The following LRP1 variants were observed in gnomAD, a reference collection of about 807,000 sequenced individuals.
LRP1 encodes LDL receptor related protein 1.
In LRP1, 51 loss-of-function variants were observed where a neutral mutation model predicts 541.5. The ratio of observed to expected loss-of-function variants is 0.09; its 90% CI spans 0.08 to 0.12. The LOEUF (loss-of-function observed/expected upper bound fraction) is 0.12, where lower values mean the gene tolerates loss of function less well. LRP1 is among the 10% of genes least tolerant of loss of function. The pLI, the probability that LRP1 is intolerant of heterozygous loss-of-function variation, is 1.00. For missense variants in LRP1, 3,878 were observed against 6,376.2 expected, an observed-to-expected ratio of 0.61 and a Z score of 13.34; for synonymous variants, 2,219 against 2,470.8, an observed-to-expected ratio of 0.90 and a Z score of 3.02.
In LRP1 at chr12:57,162,740, T is replaced by C; in HGVS notation, c.2405-118T>C. 1.7e-6 allele frequency: 2 copies of C among 1,210,836 alleles called. No individual in the cohort carries two copies. The highest frequency in any genetic ancestry group is 2.3e-6 in the Non-Finnish European group (2 of 867,842). The allele number at this position is 1,210,836 out of a possible 1,614,324, so 75.0% of individuals were successfully genotyped here. A position where few individuals can be genotyped will look rare whatever the true frequency, so the allele number is the denominator to read the frequency against. On this transcript the variant is annotated intron_variant, in intron 14 of 88. Coordinates refer to ENST00000243077, the MANE Select transcript of LRP1 (RefSeq NM_002332.3). The surrounding 1 kb of genome is among the most constrained non-coding windows in gnomAD (Gnocchi z 5.2). ...CTCCTGTTCTTCAACATGATCTTCT[T>C]CCTCTCCATATTTCCTCTTTCTGTC...
In LRP1 at chr12:57,177,366, C is replaced by G; in HGVS notation, c.4197-61C>G. ...TCCTCCCACCCTCTACCTACGATCC[C>G]ACCACAGTCGCTCCCTGAGGGCCCT... On this transcript the variant is annotated intron_variant, in intron 25 of 88. Coordinates refer to ENST00000243077, the MANE Select transcript of LRP1 (RefSeq NM_002332.3). This position sits in a 1 kb window ranked among gnomAD's most constrained non-coding sequence, Gnocchi z 6.8. 1 of 1,561,512 alleles carries G rather than the reference C, an allele frequency of 6.4e-7. No individual in the cohort carries two copies. The highest frequency in any genetic ancestry group is 8.7e-7 in the Non-Finnish European group (1 of 1,147,922).
chr12:57,188,284 C>T (rs1401971321), intron 42 of LRP1, among the ~76,000 whole-genome samples: 4 of 152,220 alleles, frequency 2.6e-5, no homozygotes, highest in African/African-American at 9.7e-5. Context: ...GATCCAGGCC[C>T]ACATGTTAGC....
intron 42 of LRP1, 60 bp from the exon 43 acceptor site, chr12:57,190,745 G>T (rs2036361439): frequency 3.3e-6 from 5 of 1,528,234 alleles, no homozygotes; most frequent in Non-Finnish European, 4.5e-6. Flanking sequence ...GTCCTGGCCT[G>T]TGCCCTCTGT....
Position 57,181,261 on chromosome 12 carries a change from A to G in LRP1, c.5632A>G (p.Ser1878Gly). The G allele has an allele frequency of 6.2e-7, 1 of 1,613,374 alleles. No homozygotes were observed. The highest frequency in any genetic ancestry group is 1.1e-5 in the South Asian group (1 of 91,064). ...TRSCMCTAGY[S>G]LRSGQQACEG... The stretch of plus-strand genomic sequence containing the variant: ...CTCCTGCATGTGCACAGCCGGCTAT[A>G]GCCTCCGGAGTGGCCAGCAGGCCTG... Residue 1878 changes from serine to glycine, a missense_variant, in exon 34 of 89, where the codon AGC becomes GGC. Physicochemically the swap from Ser to Gly is moderately conservative, Grantham distance 56. Around this residue, in one of 13 missense-constraint regions of LRP1, gnomAD observed 394 missense variants for 635.9 expected, o/e 0.62. Coordinates refer to ENST00000243077, the MANE Select transcript of LRP1 (RefSeq NM_002332.3).
chr12:57,183,809 G>A lies in LRP1; in HGVS notation c.5829G>A (p.Leu1943=). 6.2e-7 allele frequency: 1 copy of A among 1,614,150 alleles called. No individual in the cohort carries two copies. The highest frequency in any genetic ancestry group is 1.1e-5 in the South Asian group (1 of 91,086). Residue 1943 remains leucine, a synonymous_variant, in exon 36 of 89, where the codon CTG becomes CTA. Coordinates refer to ENST00000243077, the MANE Select transcript of LRP1 (RefSeq NM_002332.3). The surrounding 1 kb of genome is among the most constrained non-coding windows in gnomAD (Gnocchi z 6.1). The part of the protein sequence containing the change: ...NDTIYWVDMG[L]STISRAKRDQ... Reference sequence around the variant, plus strand: ...CCATCTACTGGGTGGACATGGGCCTGAGCACGATCAGCCGGGCCAAGCGGG... The same window carrying A: ...CCATCTACTGGGTGGACATGGGCCTAAGCACGATCAGCCGGGCCAAGCGGG...
intron 30 of LRP1, 28 bp from the exon 31 acceptor site, chr12:57,180,019 C>G (rs776868046): frequency 1.2e-6 from 2 of 1,613,636 alleles, no homozygotes; most frequent in South Asian, 2.2e-5. Flanking sequence ...AGGACCCTGA[C>G]CTTTCCCTCT....
chr12:57,132,744 G>A (rs1462131153), intron 1 of LRP1, among the ~76,000 whole-genome samples: 2 of 152,072 alleles, frequency 1.3e-5, no homozygotes, highest in Non-Finnish European at 2.9e-5. Context: ...TGCTTTCTGC[G>A]TCTCTGTCAC....
Position 57,177,769 on chromosome 12 carries a change from G to C in LRP1, c.4361+178G>C, listed in dbSNP as rs1410489529. 6.6e-6 allele frequency among the ~76,000 whole-genome samples: 1 copy of C among 152,124 alleles called. No individual in the cohort carries two copies. Among genetic ancestry groups the C allele is most frequent in the East Asian group, 1.9e-4 (1 of 5,192 alleles). ...GGGCGTGGGGAGGCCAGGGCCGAGGGGAGGGGGCAGGTAGAGGAGGCGGAA... is the reference window on the plus strand; with the variant it reads ...GGGCGTGGGGAGGCCAGGGCCGAGGCGAGGGGGCAGGTAGAGGAGGCGGAA... On this transcript the variant is annotated intron_variant, in intron 26 of 88. Transcript: ENST00000243077. The surrounding 1 kb of genome is among the most constrained non-coding windows in gnomAD (Gnocchi z 6.8).
rs2035379021 is a variant in LRP1 at position 57,145,218 on chromosome 12, C to T, written c.578-9C>T. On this transcript the variant is annotated splice_polypyrimidine_tract_variant and intron_variant, in intron 5 of 88. Transcript: ENST00000243077. ...TGGCTGCACGGACTCTTCTCTTCCC[C>T]ATTCCCAGAGCCAGTAGACCGGCCC... The T allele has an allele frequency of 1.9e-6, 3 of 1,614,086 alleles. No homozygotes were observed. The East Asian group carries it at 6.7e-5, about 36-fold the overall frequency.
intron 17 of LRP1, 77 bp from the exon 18 acceptor site, chr12:57,166,853 C>A: frequency 1.3e-6 from 1 of 783,392 alleles, no homozygotes; most frequent in Non-Finnish European, 2.2e-6. Context: ...ACACCAAAGG[C>A]AGAGAATAAT....
At chr12:57,157,481 C>T (rs559311510) in intron 10 of LRP1, among the ~76,000 whole-genome samples, 11 of 152,220 alleles carry the variant, frequency 7.2e-5, no homozygotes, top group African/African-American at 2.4e-4. Flanking sequence ...TGTGATGGTG[C>T]GTGCCTATAA....
chr12:57,171,725 G>T (rs939331627), intron 20 of LRP1, among the ~76,000 whole-genome samples: 1 of 152,160 alleles, frequency 6.6e-6, no homozygotes, highest in Admixed American at 6.5e-5. Context: ...CCCGGCATGA[G>T]ATGAGAGCAT....
chr12:57,193,697 G>A lies in LRP1; in HGVS notation c.7804+12G>A, dbSNP rs749733406. 24 of 1,614,088 alleles carry A rather than the reference G, an allele frequency of 1.5e-5. No homozygotes were observed. Among genetic ancestry groups the A allele is most frequent in the South Asian group, 5.5e-5 (5 of 91,072 alleles). ...GATCCCTTGCAACAGTGAGTGAGGC[G>A]CACTGGCATAACCCATCTGTACCTC... On this transcript the variant is annotated intron_variant, in intron 47 of 88. Transcript: ENST00000243077.
At position 57,183,624 on chromosome 12, in the gene LRP1, T is replaced by A. The variant is rs956366088; in HGVS notation, c.5794+114T>A. ...CCTGAATTGGCCTGAGGTGGGGCAC[T>A]TGCTACAGCTGCCACCCTGACTCCA... On this transcript the variant is annotated intron_variant, in intron 35 of 88. Coordinates refer to ENST00000243077, the MANE Select transcript of LRP1 (RefSeq NM_002332.3). The surrounding 1 kb of genome is among the most constrained non-coding windows in gnomAD (Gnocchi z 6.1). 1.3e-6 allele frequency: 2 copies of A among 1,488,690 alleles called. No homozygotes were observed. Among genetic ancestry groups the A allele is most frequent in the African/African-American group, 2.8e-5 (2 of 72,676 alleles). The allele number at this position is 1,488,690 out of a possible 1,614,324, so 92.2% of individuals were successfully genotyped here.
At position 57,212,668 on chromosome 12, in the gene LRP1, TA is replaced by T; in HGVS notation, c.*118del. 1 of 1,150,688 alleles carries T rather than the reference TA, an allele frequency of 8.7e-7. No homozygotes were observed. Among genetic ancestry groups the T allele is most frequent in the Non-Finnish European group, 1.2e-6 (1 of 829,090 alleles). The allele number at this position is 1,150,688 out of a possible 1,614,324, so 71.3% of individuals were successfully genotyped here. A position where few individuals can be genotyped will look rare whatever the true frequency, so the allele number is the denominator to read the frequency against. On this transcript the variant is annotated 3_prime_UTR_variant, in exon 89 of 89. Coordinates refer to ENST00000243077, the MANE Select transcript of LRP1 (RefSeq NM_002332.3). The surrounding 1 kb of genome is among the most constrained non-coding windows in gnomAD (Gnocchi z 5.0). ...CCTGGCCCCGCCGGATGTATAAATGTAAAAATGAAGGAATTACATTTTATAT... is the reference window on the plus strand; with the variant it reads ...CCTGGCCCCGCCGGATGTATAAATGTAAAATGAAGGAATTACATTTTATAT...
Position 57,211,724 on chromosome 12 carries a change from C to T in LRP1, c.13194-26C>T. 6.2e-7 allele frequency: 1 copy of T among 1,612,666 alleles called. No individual in the cohort carries two copies. Among genetic ancestry groups the T allele is most frequent in the Non-Finnish European group, 8.5e-7 (1 of 1,179,316 alleles). ...GCAGTGGCTATGGAGGTTATACCTA[C>T]TCAGCCGTGTCCCTCCTTTCTGCAG... On this transcript the variant is annotated intron_variant, in intron 85 of 88. Transcript: ENST00000243077. This position sits in a 1 kb window ranked among gnomAD's most constrained non-coding sequence, Gnocchi z 4.3.
intron 1 of LRP1, among the ~76,000 whole-genome samples, chr12:57,134,970 A>G (rs545133791): frequency 2.0e-5 from 3 of 152,188 alleles, no homozygotes; most frequent in Non-Finnish European, 4.4e-5. Flanking sequence ...CTCCCAAAGT[A>G]CTGGGATTAC....
Position 57,162,730 on chromosome 12 carries a change from A to C in LRP1, c.2405-128A>C. On this transcript the variant is annotated intron_variant, in intron 14 of 88. Transcript: ENST00000243077. This position sits in a 1 kb window ranked among gnomAD's most constrained non-coding sequence, Gnocchi z 5.2. ...ATGTCTGTGTCTCCTGTTCTTCAAC[A>C]TGATCTTCTTCCTCTCCATATTTCC... 1.7e-6 allele frequency: 2 copies of C among 1,161,924 alleles called. No individual in the cohort carries two copies. Among genetic ancestry groups the C allele is most frequent in the Non-Finnish European group, 2.4e-6 (2 of 824,908 alleles). The allele number at this position is 1,161,924 out of a possible 1,614,324, so 72.0% of individuals were successfully genotyped here. A position where few individuals can be genotyped will look rare whatever the true frequency, so the allele number is the denominator to read the frequency against.
chr12:57,176,369 T>G (rs1334594931), intron 24 of LRP1, among the ~76,000 whole-genome samples: 1 of 152,234 alleles, frequency 6.6e-6, no homozygotes, highest in Non-Finnish European at 1.5e-5. Context: ...GATCTAGAAT[T>G]GCAGGCTTGA....
Sources: allele counts gnomAD v4.1 joint callset (sites outside exome capture counted in the v4.1 genomes callset), GRCh38; gene constraint gnomAD v4.1.1; regional missense constraint gnomAD v4.1.1; non-coding constraint Gnocchi (gnomAD v3.1); transcripts MANE v1.5; gene names NCBI Gene and HGNC (gene_info 2026-07-23, HGNC 2026-07-21).